MEI4: variants seen among roughly 807,000 people sequenced by gnomAD.
The protein encoded by MEI4 is meiotic double-stranded break formation protein 4.
Under a neutral mutation model 31.4 loss-of-function variants are expected in MEI4, and 27 were observed. The observed-to-expected ratio is 0.86, with a 90% CI of 0.63 to 1.19. MEI4 has a LOEUF of 1.19. Ranked by LOEUF, MEI4 falls within the 50% of genes most tolerant of loss-of-function variation. The pLI, the probability that MEI4 is intolerant of heterozygous loss-of-function variation, is 0.00. For missense variants in MEI4, 329 were observed against 398.9 expected (o/e 0.82, Z 1.49); for synonymous variants, 122 against 145.4 (o/e 0.84, Z 1.16).
chr6:77,874,830 T>C (rs1045327015), intron 4 of MEI4, among the ~76,000 whole-genome samples: 3 of 152,236 alleles, frequency 2.0e-5, no homozygotes, highest in Non-Finnish European at 4.4e-5. Context: ...TGTTGAATTT[T>C]GTCAAAGGCC....
chr6:77,689,752 A>G (rs1467374064), intron 1 of MEI4, among the ~76,000 whole-genome samples: 1 of 152,048 alleles, frequency 6.6e-6, no homozygotes, highest in Non-Finnish European at 1.5e-5. Context: ...TAAGGTGAAG[A>G]ATTTGAAAAT....
intron 4 of MEI4, among the ~76,000 whole-genome samples, chr6:77,831,229 G>T (rs1770071029): frequency 6.6e-6 from 1 of 150,768 alleles, no homozygotes; most frequent in African/African-American, 2.4e-5. Flanking sequence ...ACTCCAACTA[G>T]AATTAAAAAG....
intron 4 of MEI4, among the ~76,000 whole-genome samples, chr6:77,844,356 C>T (rs1770430319): frequency 6.6e-6 from 1 of 152,128 alleles, no homozygotes; most frequent in Admixed American, 6.6e-5. Flanking sequence ...TAAACAAAAT[C>T]TCTCCATCTA....
At chr6:77,907,424 G>C (rs975137601) in intron 4 of MEI4, among the ~76,000 whole-genome samples, 1 of 152,106 alleles carries the variant, frequency 6.6e-6, no homozygotes, top group African/African-American at 2.4e-5. Flanking sequence ...TGCTGAGAAT[G>C]ATGGTTTCCA....
intron 2 of MEI4, among the ~76,000 whole-genome samples, chr6:77,734,521 C>A (rs1266260848): frequency 6.6e-6 from 1 of 151,940 alleles, no homozygotes; most frequent in Non-Finnish European, 1.5e-5. Flanking sequence ...TATTTTGAGC[C>A]TATTTGTGTC....
chr6:77,776,979 G>A (rs1768463676), intron 3 of MEI4, among the ~76,000 whole-genome samples: 1 of 152,178 alleles, frequency 6.6e-6, no homozygotes, highest in South Asian at 2.1e-4. Context: ...AGAGTGGATA[G>A]TGGCTTATTT....
chr6:77,726,594 T>C (rs947284086), intron 2 of MEI4, among the ~76,000 whole-genome samples: 12 of 152,148 alleles, frequency 7.9e-5, no homozygotes, highest in African/African-American at 2.2e-4. Context: ...ATTGTTCTTA[T>C]GAGGTTTGCC....
intron 3 of MEI4, among the ~76,000 whole-genome samples, chr6:77,780,593 T>A (rs1424330265): frequency 6.6e-6 from 1 of 152,148 alleles, no homozygotes; most frequent in Non-Finnish European, 1.5e-5. Flanking sequence ...TTCTTTGACC[T>A]TCTCCTGGTT....
chr6:77,794,411 A>C (rs1769022948), intron 3 of MEI4, among the ~76,000 whole-genome samples: 1 of 152,000 alleles, frequency 6.6e-6, no homozygotes, highest in Non-Finnish European at 1.5e-5. Context: ...AAAATACAAA[A>C]TATTAGCCGG....
intron 2 of MEI4, among the ~76,000 whole-genome samples, chr6:77,695,705 C>A (rs1204255810): frequency 5.3e-5 from 8 of 152,272 alleles, no homozygotes; most frequent in Non-Finnish European, 8.8e-5. Flanking sequence ...CATGATGCCT[C>A]CGGCTTTGTT....
intron 4 of MEI4, among the ~76,000 whole-genome samples, chr6:77,918,269 A>G (rs1248536075): frequency 5.3e-5 from 8 of 150,750 alleles, no homozygotes; most frequent in Admixed American, 1.3e-4. Flanking sequence ...TTGGTTCCAT[A>G]TGAACTTTAA....
intron 3 of MEI4, among the ~76,000 whole-genome samples, chr6:77,787,907 T>A (rs1218794703): frequency 1.3e-5 from 2 of 152,192 alleles, no homozygotes; most frequent in African/African-American, 2.4e-5. Context: ...GGATTTGGTT[T>A]GCCAATATTG....
chr6:77,663,385 C>T (rs200341526), intron 1 of MEI4, among the ~76,000 whole-genome samples: 91,565 of 150,212 alleles, frequency 0.61, 29,182 homozygotes, highest in African/African-American at 0.8. Flanking sequence ...GTAGAGGTGT[C>T]CTATACTTGT....
intron 2 of MEI4, among the ~76,000 whole-genome samples, chr6:77,692,695 A>G (rs948961937): frequency 6.6e-6 from 1 of 152,016 alleles, no homozygotes; most frequent in African/African-American, 2.4e-5. Flanking sequence ...TAAATACCTA[A>G]ATAAGGTTTC....
At chr6:77,766,490 TG>T (rs1768178099) in intron 3 of MEI4, among the ~76,000 whole-genome samples, 1 of 152,206 alleles carries the variant, frequency 6.6e-6, no homozygotes, top group South Asian at 2.1e-4. Context: ...CTCGGCTCAC[TG>T]CAAGCTCTGC....
At chr6:77,766,389 G>T (rs947591820) in intron 3 of MEI4, among the ~76,000 whole-genome samples, 1 of 151,796 alleles carries the variant, frequency 6.6e-6, no homozygotes, top group African/African-American at 2.4e-5. Flanking sequence ...TAAATCTGAA[G>T]ATGATGGATC....
intron 3 of MEI4, among the ~76,000 whole-genome samples, chr6:77,812,087 T>C (rs1769586343): frequency 6.6e-6 from 1 of 152,140 alleles, no homozygotes; most frequent in African/African-American, 2.4e-5. Flanking sequence ...TGAACAACCA[T>C]ATTCTGTGAA....
rs1032977058 is a variant in MEI4 at position 77,923,881 on chromosome 6, CTTAA to C, written c.*538_*541del. ...GTAGAACTTTTTTAACATTTGGAAA[CTTAA>C]TTGCTTTTTATTTATTTCAATTTCA... On this transcript the variant is annotated 3_prime_UTR_variant, in exon 5 of 5. Transcript: ENST00000684080. 3.3e-5 allele frequency: 5 copies of C among 151,688 alleles called. No homozygotes were observed. Among genetic ancestry groups the C allele is most frequent in the Admixed American group, 2.0e-4 (3 of 15,146 alleles). The allele number at this position is 151,688 out of a possible 1,614,324, so 9.4% of individuals were successfully genotyped here. A position where few individuals can be genotyped will look rare whatever the true frequency, so the allele number is the denominator to read the frequency against.
intron 4 of MEI4, among the ~76,000 whole-genome samples, chr6:77,908,711 T>A (rs1403642069): frequency 6.6e-6 from 1 of 152,020 alleles, no homozygotes; most frequent in African/African-American, 2.4e-5. Context: ...TAGTCTCTGA[T>A]AAAACAGACT....
Sources: allele counts gnomAD v4.1 joint callset (sites outside exome capture counted in the v4.1 genomes callset), GRCh38; gene constraint gnomAD v4.1.1; transcripts MANE v1.5; gene names NCBI Gene and HGNC (gene_info 2026-07-23, HGNC 2026-07-21).